The following YTHDF3 variants were observed in gnomAD, a reference collection of about 807,000 sequenced individuals.
The protein encoded by YTHDF3 is YTH domain-containing family protein 3.
In YTHDF3, 9 loss-of-function variants were observed where a neutral mutation model predicts 52.5. The ratio of observed to expected loss-of-function variants is 0.17; its 90% CI spans 0.10 to 0.30. YTHDF3 has a LOEUF of 0.30. Ranked by LOEUF, YTHDF3 falls within the 10% of genes least tolerant of loss-of-function variation. The probability of loss-of-function intolerance (pLI) is 1.00; values close to 1 mark genes in which losing one functional copy is unlikely to be tolerated. For synonymous variants in YTHDF3, 274 were observed against 243.3 expected (o/e 1.13, Z -1.18); for missense variants, 534 against 715.0 (o/e 0.75, Z 2.89).
intron 1 of YTHDF3, 137 bp from the exon 2 acceptor site, chr8:63,169,250 C>A: frequency 7.7e-7 from 1 of 1,305,624 alleles, no homozygotes; most frequent in Non-Finnish European, 1.0e-6. Flanking sequence ...AAATTGGTGG[C>A]TGTGGAGGAT....
chr8:63,182,234 ATTTTT>A (rs11348989), intron 3 of YTHDF3, among the ~76,000 whole-genome samples: 5 of 111,696 alleles, frequency 4.5e-5, no homozygotes, highest in East Asian at 2.9e-4. Context: ...TGCCTGGCTA[ATTTTT>A]TTTTTTTTTT....
chr8:63,170,859 G>C (rs995856366), intron 2 of YTHDF3, among the ~76,000 whole-genome samples: 52 of 152,144 alleles, frequency 3.4e-4, no homozygotes, highest in African/African-American at 1.2e-3. Context: ...ACAAAATAGA[G>C]CCTCTACAGC....
intron 4 of YTHDF3, among the ~76,000 whole-genome samples, chr8:63,191,589 A>G (rs1041731780): frequency 2.6e-5 from 4 of 152,154 alleles, no homozygotes; most frequent in Admixed American, 1.3e-4. Flanking sequence ...TAGAAACTTT[A>G]TATCTTTTTT....
intron 3 of YTHDF3, among the ~76,000 whole-genome samples, chr8:63,183,715 A>AT (rs1808311270): frequency 6.6e-6 from 1 of 152,208 alleles, no homozygotes; most frequent in African/African-American, 2.4e-5. Context: ...CAGTTAGTAA[A>AT]TAGTAACTCC....
chr8:63,183,260 C>T (rs1308196963), intron 3 of YTHDF3, among the ~76,000 whole-genome samples: 1 of 152,032 alleles, frequency 6.6e-6, no homozygotes, highest in East Asian at 1.9e-4. Flanking sequence ...GGTGTCCAGC[C>T]CAGTTTTATC....
chr8:63,169,058 C>A, intron 1 of YTHDF3, 157 bp downstream of exon 1: 1 of 1,403,344 alleles, frequency 7.1e-7, no homozygotes, highest in South Asian at 1.6e-5. Flanking sequence ...CCGGGGCGTG[C>A]GCCCTGGCCC....
chr8:63,169,274 ACT>A, intron 1 of YTHDF3, 111 bp from the exon 2 acceptor site: 13 of 1,414,282 alleles, frequency 9.2e-6, no homozygotes, highest in Non-Finnish European at 1.3e-5. Context: ...GTGGGTTTTT[ACT>A]CCTACGCGGA....
chr8:63,194,434 G>C (rs1439615050), intron 4 of YTHDF3, among the ~76,000 whole-genome samples: 1 of 152,138 alleles, frequency 6.6e-6, no homozygotes, highest in African/African-American at 2.4e-5. Flanking sequence ...GCAGTGAGGC[G>C]AGTTCGTGCT....
intron 4 of YTHDF3, among the ~76,000 whole-genome samples, chr8:63,204,721 C>G (rs1809891519): frequency 6.6e-6 from 1 of 152,116 alleles, no homozygotes; most frequent in African/African-American, 2.4e-5. Context: ...TGTTCACTGC[C>G]TTCTTCGGCA....
chr8:63,187,868 A>C (rs1394492651), intron 4 of YTHDF3, 123 bp downstream of exon 4: 1 of 1,088,250 alleles, frequency 9.2e-7, no homozygotes, highest in East Asian at 2.6e-5. Flanking sequence ...CAACTCTACA[A>C]ACACCCTTGA....
chr8:63,195,045 G>A (rs1162335737), intron 4 of YTHDF3, among the ~76,000 whole-genome samples: 1 of 152,132 alleles, frequency 6.6e-6, no homozygotes, highest in South Asian at 2.1e-4. Flanking sequence ...GGAGTTCCTC[G>A]GCTTGCCTTG....
At chr8:63,193,491 C>T (rs1809049554) in intron 4 of YTHDF3, among the ~76,000 whole-genome samples, 1 of 151,734 alleles carries the variant, frequency 6.6e-6, no homozygotes, top group Non-Finnish European at 1.5e-5. Flanking sequence ...TGTGGTGGTG[C>T]ATGCCTGTAT....
intron 4 of YTHDF3, among the ~76,000 whole-genome samples, chr8:63,205,808 T>C (rs1809991376): frequency 6.6e-6 from 1 of 152,208 alleles, no homozygotes; most frequent in South Asian, 2.1e-4. Flanking sequence ...TGTTAAAATA[T>C]TTTAATAGTA....
intron 4 of YTHDF3, among the ~76,000 whole-genome samples, chr8:63,193,374 CAAAAAAAAAAA>C (rs758787473): frequency 9.2e-5 from 5 of 54,104 alleles, no homozygotes; most frequent in Non-Finnish European, 1.6e-4. Flanking sequence ...AGACTCCGTC[CAAAAAAAAAAA>C]AAAAAAAAAA....
chr8:63,191,939 G>T (rs1326110726), intron 4 of YTHDF3, among the ~76,000 whole-genome samples: 1 of 151,794 alleles, frequency 6.6e-6, no homozygotes, highest in African/African-American at 2.4e-5. Context: ...CCTTTTGGGG[G>T]TAATGTAAAT....
intron 4 of YTHDF3, among the ~76,000 whole-genome samples, chr8:63,191,710 C>T (rs1007200099): frequency 2.0e-5 from 3 of 152,064 alleles, no homozygotes; most frequent in Non-Finnish European, 4.4e-5. Context: ...GTTGTTTGTC[C>T]CTATAAGACA....
intron 2 of YTHDF3, among the ~76,000 whole-genome samples, chr8:63,172,273 A>G (rs1017289720): frequency 1.3e-5 from 2 of 152,114 alleles, no homozygotes; most frequent in African/African-American, 2.4e-5. Flanking sequence ...TGGGAGTACT[A>G]TGGTTGGAAG....
chr8:63,188,701 A>ATATATATATATAT (rs1355614739), intron 4 of YTHDF3: 21 of 61,438 alleles, frequency 3.4e-4, no homozygotes, highest in African/African-American at 7.8e-4. Flanking sequence ...ATATATATAT[A>ATATATATATATAT]TTTTTTTTTT....
chr8:63,178,715 T>C (rs1387002658), intron 3 of YTHDF3, among the ~76,000 whole-genome samples: 3 of 152,250 alleles, frequency 2.0e-5, no homozygotes, highest in Non-Finnish European at 2.9e-5. Context: ...GGATTAATAC[T>C]GTAGAATGTT....
Sources: gnomAD v4.1 joint callset for allele counts (sites outside exome capture counted in the v4.1 genomes callset) on GRCh38, gnomAD v4.1.1 for gene constraint, MANE v1.5 for transcripts, NCBI Gene and HGNC (gene_info 2026-07-23, HGNC 2026-07-21) for gene names.